The following MACROD2 variants were observed in gnomAD, a reference collection of about 807,000 sequenced individuals.
MACROD2 encodes mono-ADP ribosylhydrolase 2.
In MACROD2, 36 loss-of-function variants were observed where a neutral mutation model predicts 70.4. That is an observed-to-expected ratio of 0.51 (90% CI 0.39 to 0.68). The LOEUF (loss-of-function observed/expected upper bound fraction) is 0.68. MACROD2 is among the 30% of genes least tolerant of loss of function. The pLI is 0.00. For missense variants in MACROD2, 496 were observed against 538.4 expected (o/e 0.92, Z 0.78); for synonymous variants, 172 against 178.8 (o/e 0.96, Z 0.30).
At chr20:15,314,904 G>A (rs2077792532) in intron 6 of MACROD2, among the ~76,000 whole-genome samples, 1 of 152,184 alleles carries the variant, frequency 6.6e-6, no homozygotes, top group South Asian at 2.1e-4. Flanking sequence ...AATGACATGA[G>A]AAGACCTTGA....
intron 8 of MACROD2, among the ~76,000 whole-genome samples, chr20:15,647,000 T>G (rs914998087): frequency 2.0e-5 from 3 of 152,262 alleles, no homozygotes; most frequent in African/African-American, 7.2e-5. Flanking sequence ...GTCCTTCACC[T>G]GACCATATTG....
chr20:15,993,264 G>A (rs564239244), intron 15 of MACROD2, among the ~76,000 whole-genome samples: 1 of 128,918 alleles, frequency 7.8e-6, no homozygotes, highest in Non-Finnish European at 1.7e-5. Context: ...GTGTGTGTGT[G>A]TGTGTATAAA....
At chr20:14,803,984 C>T (rs1194890623) in intron 5 of MACROD2, among the ~76,000 whole-genome samples, 2 of 151,976 alleles carry the variant, frequency 1.3e-5, no homozygotes, top group Non-Finnish European at 2.9e-5. Context: ...TATAATTTTA[C>T]GTCATAAGTT....
intron 5 of MACROD2, among the ~76,000 whole-genome samples, chr20:14,964,944 G>A (rs538867187): frequency 1.5e-3 from 228 of 152,312 alleles, no homozygotes; most frequent in Middle Eastern, 3.4e-3. Context: ...TTGAAGGAAA[G>A]GTGTTGTGAA....
At chr20:15,251,479 A>C (rs4814350) in intron 6 of MACROD2, among the ~76,000 whole-genome samples, 48,930 of 152,100 alleles carry the variant, frequency 0.32, 10,759 homozygotes, top group African/African-American at 0.62. Flanking sequence ...TAACAACAGC[A>C]AAAAGCCCAT....
chr20:15,061,293 A>G (rs890480697), intron 5 of MACROD2, among the ~76,000 whole-genome samples: 1 of 152,152 alleles, frequency 6.6e-6, no homozygotes, highest in Admixed American at 6.5e-5. Flanking sequence ...GGCTTTTGTC[A>G]GGCAGCAGGA....
chr20:15,938,279 T>C lies in MACROD2; in HGVS notation c.907+735T>C, dbSNP rs530022127. Among the ~76,000 whole-genome samples the C allele has an allele frequency of 2.2e-4, 34 of 152,326 alleles. No individual in the cohort carries two copies. In the East Asian group the frequency reaches 4.8e-3, roughly 22 times the overall value. On this transcript the variant is annotated intron_variant, in intron 12 of 17. Coordinates refer to ENST00000684519, the MANE Select transcript of MACROD2 (RefSeq NM_001351661.2). ...TTACCTTGTTTTCTTGCCCTTCATT[T>C]TACTGTGCTTTGAAAATATTACATT... is the stretch of plus-strand genomic sequence containing the variant.
intron 6 of MACROD2, among the ~76,000 whole-genome samples, chr20:15,326,162 G>A (rs1193199542): frequency 6.6e-6 from 1 of 151,930 alleles, no homozygotes; most frequent in Non-Finnish European, 1.5e-5. Flanking sequence ...AAATTGTTTT[G>A]GAAAAAATGT....
chr20:15,793,771 T>C (rs978905917), intron 8 of MACROD2, among the ~76,000 whole-genome samples: 38 of 148,572 alleles, frequency 2.6e-4, no homozygotes, highest in Admixed American at 2.1e-3. Context: ...ATAAAAATAT[T>C]TTAAGAATAT....
At chr20:14,665,339 T>C (rs1025273160) in intron 4 of MACROD2, among the ~76,000 whole-genome samples, 1 of 152,034 alleles carries the variant, frequency 6.6e-6, no homozygotes. Context: ...ACAGTTTTTT[T>C]TTTTTAACTG....
At chr20:15,141,436 T>C (rs2076191850) in intron 5 of MACROD2, among the ~76,000 whole-genome samples, 1 of 152,174 alleles carries the variant, frequency 6.6e-6, no homozygotes, top group Admixed American at 6.6e-5. Context: ...TATCTGCATG[T>C]AGAGAAGTAT....
intron 3 of MACROD2, among the ~76,000 whole-genome samples, chr20:14,109,621 G>A (rs2054420943): frequency 6.6e-6 from 1 of 151,736 alleles, no homozygotes; most frequent in Non-Finnish European, 1.5e-5. Context: ...ATGAGCAATA[G>A]CATACTAATA....
chr20:14,846,705 G>T (rs1487074214), intron 5 of MACROD2, among the ~76,000 whole-genome samples: 1 of 152,036 alleles, frequency 6.6e-6, no homozygotes, highest in Non-Finnish European at 1.5e-5. Flanking sequence ...TTTTAGTAGA[G>T]ACAGGGTTTT....
At chr20:15,077,636 G>A (rs1012262887) in intron 5 of MACROD2, among the ~76,000 whole-genome samples, 3 of 152,132 alleles carry the variant, frequency 2.0e-5, no homozygotes, top group African/African-American at 7.2e-5. Flanking sequence ...AGTAGTTGTA[G>A]CACTTTTCCT....
chr20:14,890,319 G>C (rs753337986), intron 5 of MACROD2, among the ~76,000 whole-genome samples: 7 of 152,054 alleles, frequency 4.6e-5, no homozygotes, highest in Non-Finnish European at 8.8e-5. Flanking sequence ...TCTGAGCCTT[G>C]GTCCATTCCC....
At chr20:15,952,508 A>G (rs1314218671) in intron 12 of MACROD2, among the ~76,000 whole-genome samples, 8 of 152,012 alleles carry the variant, frequency 5.3e-5, no homozygotes. Flanking sequence ...AGACTTGGAT[A>G]TCCAACCACC....
intron 6 of MACROD2, among the ~76,000 whole-genome samples, chr20:15,387,265 G>C (rs970844648): frequency 6.6e-6 from 1 of 152,098 alleles, no homozygotes; most frequent in Non-Finnish European, 1.5e-5. Flanking sequence ...TTGATTTTCT[G>C]CTATTTCTGA....
intron 7 of MACROD2, among the ~76,000 whole-genome samples, chr20:15,456,310 G>A (rs1177018373): frequency 6.6e-6 from 1 of 152,150 alleles, no homozygotes; most frequent in African/African-American, 2.4e-5. Context: ...CTTCCCCTGG[G>A]AGAATCTTTC....
intron 6 of MACROD2, among the ~76,000 whole-genome samples, chr20:15,303,120 T>C (rs948454611): frequency 1.3e-5 from 2 of 152,196 alleles, no homozygotes; most frequent in African/African-American, 4.8e-5. Flanking sequence ...TTTAAACATG[T>C]ATCTATAAGC....
Sources: gnomAD v4.1 joint callset for allele counts (sites outside exome capture counted in the v4.1 genomes callset) on GRCh38, gnomAD v4.1.1 for gene constraint, MANE v1.5 for transcripts, NCBI Gene and HGNC (gene_info 2026-07-23, HGNC 2026-07-21) for gene names.